The following SHISA9 variants were observed in gnomAD, a reference collection of about 807,000 sequenced individuals.
The protein encoded by SHISA9 is shisa family member 9, also known as protein shisa-9.
SHISA9 carries 13 observed loss-of-function variants against 38.0 expected under a neutral mutation model. The ratio of observed to expected loss-of-function variants is 0.34; its 90% confidence interval spans 0.22 to 0.54. The LOEUF (loss-of-function observed/expected upper bound fraction) is 0.54. SHISA9 is among the 20% of genes least tolerant of loss of function. The pLI is 0.91. For missense variants in SHISA9, 538 were observed against 575.8 expected (o/e 0.93, Z 0.67); for synonymous variants, 275 against 242.0 (o/e 1.14, Z -1.27).
intron 2 of SHISA9, among the ~76,000 whole-genome samples, chr16:13,026,012 T>C (rs1431306511): frequency 1.3e-5 from 2 of 151,958 alleles, no homozygotes; most frequent in Admixed American, 6.6e-5. Context: ...TCCATGTTGG[T>C]CAGGCTGGTC....
the SHISA9 span, among the ~76,000 whole-genome samples, chr16:13,375,696 T>G: frequency 6.6e-6 from 1 of 151,836 alleles, no homozygotes; most frequent in Non-Finnish European, 1.5e-5. Context: ...AACAAAAAAC[T>G]TAAGAAATTA....
chr16:13,115,454 C>T (rs1293644843), intron 2 of SHISA9, among the ~76,000 whole-genome samples: 1 of 152,172 alleles, frequency 6.6e-6, no homozygotes, highest in Non-Finnish European at 1.5e-5. Context: ...AGGAACACAC[C>T]CTTAAGACAG....
At chr16:13,156,598 G>A (rs909774477) in intron 2 of SHISA9, among the ~76,000 whole-genome samples, 5 of 152,020 alleles carry the variant, frequency 3.3e-5, no homozygotes, top group African/African-American at 1.2e-4. Context: ...GGCAGGCATG[G>A]TGGTGGGCGC....
At chr16:13,046,585 TA>T (rs1022125036) in intron 2 of SHISA9, among the ~76,000 whole-genome samples, 1 of 152,208 alleles carries the variant, frequency 6.6e-6, no homozygotes, top group Non-Finnish European at 1.5e-5. Flanking sequence ...GCAAGTTTCA[TA>T]AAAAAGAATT....
At chr16:13,482,743 A>T in the SHISA9 span, among the ~76,000 whole-genome samples, 1 of 151,180 alleles carries the variant, frequency 6.6e-6, no homozygotes. Context: ...CAAGGCTGCA[A>T]TGAGCCCTTT....
At chr16:13,165,899 C>A (rs1219624901) in intron 2 of SHISA9, among the ~76,000 whole-genome samples, 1 of 152,132 alleles carries the variant, frequency 6.6e-6, no homozygotes, top group Non-Finnish European at 1.5e-5. Context: ...TTAAATTGAG[C>A]CTAAGAAGCA....
the SHISA9 span, among the ~76,000 whole-genome samples, chr16:13,426,487 C>T: frequency 6.6e-6 from 1 of 152,160 alleles, no homozygotes; most frequent in African/African-American, 2.4e-5. Context: ...GTGTACCTTT[C>T]CCCTGCCATC....
intron 2 of SHISA9, 38 bp downstream of exon 2, chr16:12,916,853 G>C (rs751814599): frequency 6.5e-7 from 1 of 1,545,302 alleles, no homozygotes; most frequent in Non-Finnish European, 8.7e-7. Context: ...AGTCCCATGG[G>C]GTGACCTGAG....
At chr16:13,139,290 CT>C (rs2050376911) in intron 2 of SHISA9, among the ~76,000 whole-genome samples, 1 of 149,574 alleles carries the variant, frequency 6.7e-6, no homozygotes, top group Admixed American at 6.7e-5. Context: ...TCCTTCTTCC[CT>C]CTTTTTTTAA....
chr16:13,366,999 A>G, the SHISA9 span, among the ~76,000 whole-genome samples: 13,797 of 147,196 alleles, frequency 0.094, 751 homozygotes, highest in South Asian at 0.21. Flanking sequence ...AAAAAAAAAA[A>G]AAGAAGAAGA....
intron 4 of SHISA9, among the ~76,000 whole-genome samples, chr16:13,223,614 T>C (rs1202908973): frequency 6.6e-6 from 1 of 152,188 alleles, no homozygotes; most frequent in African/African-American, 2.4e-5. Context: ...TGGTTCTTTG[T>C]CATCATTTGT....
the SHISA9 span, among the ~76,000 whole-genome samples, chr16:13,258,919 C>T: frequency 1.3e-5 from 2 of 152,138 alleles, no homozygotes; most frequent in Admixed American, 1.3e-4. Flanking sequence ...CCACCCCTGG[C>T]CCCTCCCAAT....
At chr16:13,026,391 C>T (rs1345884524) in intron 2 of SHISA9, among the ~76,000 whole-genome samples, 3 of 152,156 alleles carry the variant, frequency 2.0e-5, no homozygotes, top group South Asian at 2.1e-4. Context: ...ATGTGTCTTA[C>T]GTAACAGGAT....
intron 2 of SHISA9, among the ~76,000 whole-genome samples, chr16:13,189,029 A>T (rs1324448356): frequency 6.6e-6 from 1 of 152,204 alleles, no homozygotes; most frequent in Non-Finnish European, 1.5e-5. Flanking sequence ...GAAATGTCAA[A>T]GGTTGCCAGG....
intron 2 of SHISA9, among the ~76,000 whole-genome samples, chr16:12,922,226 C>T (rs569272159): frequency 6.6e-6 from 1 of 152,210 alleles, no homozygotes; most frequent in South Asian, 2.1e-4. Flanking sequence ...AGAGCTGTTT[C>T]CAAAATATAC....
At chr16:12,955,609 A>G (rs1346105183) in intron 2 of SHISA9, among the ~76,000 whole-genome samples, 1 of 150,822 alleles carries the variant, frequency 6.6e-6, no homozygotes, top group Non-Finnish European at 1.5e-5. Flanking sequence ...CCACATACCT[A>G]CAGTCAACTT....
At chr16:12,944,668 C>G (rs1433217506) in intron 2 of SHISA9, among the ~76,000 whole-genome samples, 6 of 152,106 alleles carry the variant, frequency 3.9e-5, no homozygotes, top group Non-Finnish European at 8.8e-5. Flanking sequence ...AGCCTAAGTT[C>G]TCTAGCTAGA....
the SHISA9 span, among the ~76,000 whole-genome samples, chr16:13,401,431 A>G: frequency 6.6e-6 from 1 of 152,216 alleles, no homozygotes; most frequent in African/African-American, 2.4e-5. Context: ...TTCTCTAGAA[A>G]GACCCTGCTA....
intron 2 of SHISA9, among the ~76,000 whole-genome samples, chr16:13,054,985 A>T (rs181159215): frequency 2.4e-4 from 36 of 152,310 alleles, no homozygotes; most frequent in Non-Finnish European, 4.6e-4. Flanking sequence ...ACCTTCAGTG[A>T]CGTTTCCAAA....
Sources: gnomAD v4.1 joint callset for allele counts (sites outside exome capture counted in the v4.1 genomes callset) on GRCh38, gnomAD v4.1.1 for gene constraint, MANE v1.5 for transcripts, NCBI Gene and HGNC (gene_info 2026-07-23, HGNC 2026-07-21) for gene names.